The following HK2 variants were observed in gnomAD, a reference collection of about 807,000 sequenced individuals.
The protein encoded by HK2 is hexokinase-2.
HK2 carries 42 observed loss-of-function variants against 92.9 expected under a neutral mutation model. That is an observed-to-expected ratio of 0.45 (90% confidence interval 0.35 to 0.58). The LOEUF (loss-of-function observed/expected upper bound fraction) is 0.58. Ranked by LOEUF, HK2 falls within the 20% of genes least tolerant of loss-of-function variation. The pLI, the probability that HK2 is intolerant of heterozygous loss-of-function variation, is 0.00. For missense variants in HK2, 978 were observed against 1,245.1 expected, an observed-to-expected ratio of 0.79 and a Z score of 3.23; for synonymous variants, 422 against 468.0, an observed-to-expected ratio of 0.90 and a Z score of 1.27.
intron 2 of HK2, among the ~76,000 whole-genome samples, chr2:74,862,484 A>G (rs1285846001): frequency 1.3e-5 from 2 of 152,226 alleles, no homozygotes; most frequent in Admixed American, 1.3e-4. Context: ...CCATGTAGAC[A>G]AAACAATTAG....
intron 3 of HK2, 114 bp downstream of exon 3, chr2:74,867,898 C>G: frequency 8.3e-7 from 1 of 1,210,722 alleles, no homozygotes; most frequent in African/African-American, 1.5e-5. Context: ...CCAAGACACT[C>G]ATGGATGCCA....
intron 2 of HK2, among the ~76,000 whole-genome samples, chr2:74,859,616 C>T (rs1318135176): frequency 6.6e-6 from 1 of 151,966 alleles, no homozygotes; most frequent in African/African-American, 2.4e-5. Context: ...GCCTGGGCCA[C>T]AGAGCGAGAC....
Position 74,886,599 on chromosome 2 carries a change from T to C in HK2, c.2145T>C (p.Asn715=). The change falls in exon 15 of 18, where the codon AAT becomes AAC. Residue 715 remains asparagine, a synonymous_variant. Transcript: ENST00000290573. The part of the protein sequence containing the change: ...VNMEWGAFGD[N]GCLDDFRTEF... ...TGGAATGGGGGGCCTTCGGGGACAA[T>C]GGATGCCTAGATGACTTCCGCACAG... The C allele has an allele frequency of 6.2e-7, 1 of 1,613,932 alleles. No homozygotes were observed. Among genetic ancestry groups the C allele is most frequent in the Non-Finnish European group, 8.5e-7 (1 of 1,179,972 alleles).
chr2:74,873,482 G>C, intron 5 of HK2, 111 bp downstream of exon 5: 2 of 735,630 alleles, frequency 2.7e-6, no homozygotes, highest in East Asian at 5.0e-5. Context: ...CTTAAGGAGA[G>C]TTCTCTTTTC....
intron 1 of HK2, among the ~76,000 whole-genome samples, chr2:74,845,831 T>A (rs1688422638): frequency 1.3e-5 from 2 of 152,256 alleles, no homozygotes; most frequent in African/African-American, 4.8e-5. Context: ...GCTCATCTTT[T>A]TTTCTTTTAT....
chr2:74,885,365 G>T, intron 12 of HK2, 129 bp from the exon 13 acceptor site: 1 of 722,216 alleles, frequency 1.4e-6, no homozygotes, highest in South Asian at 1.5e-5. Flanking sequence ...ATTTGCGGGT[G>T]AGATGATTGG....
rs1216369020 is a variant in HK2 at position 74,843,978 on chromosome 2, C to T, written c.63+9335C>T. Among the ~76,000 whole-genome samples the T allele has an allele frequency of 6.6e-5, 10 of 152,308 alleles. 1 individual carries two copies. Among genetic ancestry groups the T allele is most frequent in the African/African-American group, 2.4e-4 (10 of 41,564 alleles). Reference sequence around the variant, plus strand: ...GTAGGTCCTGTTATTATCTATTATTCAAATGAAGAGACCAGGCACAAAATA... The same window carrying T: ...GTAGGTCCTGTTATTATCTATTATTTAAATGAAGAGACCAGGCACAAAATA... On this transcript the variant is annotated intron_variant, in intron 1 of 17. Transcript: ENST00000290573.
chr2:74,842,994 A>G (rs765109998), intron 1 of HK2, among the ~76,000 whole-genome samples: 5 of 152,110 alleles, frequency 3.3e-5, no homozygotes, highest in Non-Finnish European at 7.3e-5. Flanking sequence ...TTGGGATTTC[A>G]TATTCTTCTG....
chr2:74,878,807 G>T lies in HK2; in HGVS notation c.1151G>T (p.Ser384Ile). The T allele has an allele frequency of 6.4e-7, 1 of 1,563,530 alleles. No homozygotes were observed. The highest frequency in any genetic ancestry group is 1.2e-5 in the South Asian group (1 of 85,092). The stretch of plus-strand genomic sequence containing the variant: ...CAGATCGTGTCCACACGCTCCGCCA[G>T]CCTGTGCGCAGCCACCCTGGCCGCC... ...ICQIVSTRSA[S>I]LCAATLAAVL... The change falls in exon 9 of 18, where the codon AGC becomes ATC. Residue 384 changes from serine to isoleucine, a missense_variant. By Grantham distance (142) the Ser-to-Ile change is moderately radical. Coordinates refer to ENST00000290573, the MANE Select transcript of HK2 (RefSeq NM_000189.5).
intron 10 of HK2, 119 bp from the exon 11 acceptor site, chr2:74,881,592 G>A (rs1689393327): frequency 1.0e-6 from 1 of 988,170 alleles, no homozygotes; most frequent in Non-Finnish European, 1.6e-6. Flanking sequence ...ATTCTAGAAT[G>A]TAATATAAAG....
At chr2:74,882,803 C>A (rs1284233758) in intron 12 of HK2, among the ~76,000 whole-genome samples, 1 of 151,528 alleles carries the variant, frequency 6.6e-6, no homozygotes, top group Non-Finnish European at 1.5e-5. Context: ...TGGGACTGGC[C>A]AAGCCAAGAT....
chr2:74,840,707 A>T (rs1186942152), intron 1 of HK2, among the ~76,000 whole-genome samples: 5 of 63,232 alleles, frequency 7.9e-5, no homozygotes, highest in Non-Finnish European at 1.4e-4. Context: ...CTCTACTAAA[A>T]ATACAAAAAA....
intron 3 of HK2, among the ~76,000 whole-genome samples, 173 bp from the exon 4 acceptor site, chr2:74,872,127 A>G (rs1689112426): frequency 2.0e-5 from 3 of 152,240 alleles, no homozygotes; most frequent in Non-Finnish European, 2.9e-5. Context: ...TCATAACTCC[A>G]TGAGGACAGG....
chr2:74,875,993 A>C (rs1689222468), intron 7 of HK2, among the ~76,000 whole-genome samples: 2 of 152,216 alleles, frequency 1.3e-5, no homozygotes, highest in Admixed American at 1.3e-4. Flanking sequence ...GTATCTTCCA[A>C]ATGTTGACTG....
Position 74,886,773 on chromosome 2 carries a change from G to T in HK2, c.2219+100G>T. 3.2e-6 allele frequency: 4 copies of T among 1,238,806 alleles called. No homozygotes were observed. In the South Asian group the frequency reaches 4.9e-5, roughly 15 times the overall value. The allele number at this position is 1,238,806 out of a possible 1,614,324, so 76.7% of individuals were successfully genotyped here. ...GGCATCTCCCAGGACGCCGGTTCTC[G>T]TGAGATGTTAATAAAGGAGGTTTTC... is the stretch of plus-strand genomic sequence containing the variant. On this transcript the variant is annotated intron_variant, in intron 15 of 17. Coordinates refer to ENST00000290573, the MANE Select transcript of HK2 (RefSeq NM_000189.5).
chr2:74,861,750 G>C (rs529740663), intron 2 of HK2, among the ~76,000 whole-genome samples: 1 of 152,300 alleles, frequency 6.6e-6, no homozygotes, highest in Non-Finnish European at 1.5e-5. Context: ...ATACGAGTTG[G>C]CTTTGTATCA....
At chr2:74,844,930 G>A (rs993098181) in intron 1 of HK2, among the ~76,000 whole-genome samples, 15 of 152,180 alleles carry the variant, frequency 9.9e-5, no homozygotes, top group African/African-American at 3.6e-4. Flanking sequence ...CTATAACAAA[G>A]GTTTCTTGAG....
Position 74,872,283 on chromosome 2 carries a change from G to A in HK2, c.376-17G>A, listed in dbSNP as rs376917397. 593 of 1,613,692 alleles carry A rather than the reference G, an allele frequency of 3.7e-4. 1 individual carries two copies. The highest frequency in any genetic ancestry group is 4.7e-4 in the Non-Finnish European group (550 of 1,179,802). On this transcript the variant is annotated splice_polypyrimidine_tract_variant and intron_variant, in intron 3 of 17. Coordinates refer to ENST00000290573, the MANE Select transcript of HK2 (RefSeq NM_000189.5). ...GTTCGACCTCTCTGCTCACCACCCT[G>A]TGTCATGTATCCTTAGCTGTTTGAC...
At chr2:74,873,518 G>T (rs943228481) in intron 5 of HK2, 147 bp downstream of exon 5, 2 of 636,658 alleles carry the variant, frequency 3.1e-6, no homozygotes, top group African/African-American at 1.8e-5. Context: ...CAATAATTTT[G>T]TATGCGATCT....
Sources: allele counts gnomAD v4.1 joint callset (sites outside exome capture counted in the v4.1 genomes callset), GRCh38; gene constraint gnomAD v4.1.1; transcripts MANE v1.5; gene names NCBI Gene and HGNC (gene_info 2026-07-23, HGNC 2026-07-21).